Variants in MAPK4 observed in about 807,000 individuals in gnomAD.
MAPK4 encodes the protein mitogen-activated protein kinase 4, also known as Erk3-related.
Under a neutral mutation model 47.7 loss-of-function variants are expected in MAPK4, and 22 were observed. The observed-to-expected ratio is 0.46, with a 90% CI of 0.33 to 0.66. MAPK4 has a LOEUF of 0.66. MAPK4 is among the 30% of genes least tolerant of loss of function. The pLI is 0.02. For synonymous variants in MAPK4, 390 were observed against 365.7 expected, an observed-to-expected ratio of 1.07 and a Z score of -0.76; for missense variants, 736 against 831.7, an observed-to-expected ratio of 0.88 and a Z score of 1.42.
At position 50,712,952 on chromosome 18, in the gene MAPK4, C is replaced by T. The variant is rs536991853; in HGVS notation, c.547-2127C>T. Among the ~76,000 whole-genome samples, 824 of 152,294 alleles carry T rather than the reference C, an allele frequency of 5.4e-3. 7 individuals carry two copies. Among genetic ancestry groups the T allele is most frequent in the South Asian group, 0.017 (84 of 4,816 alleles). On this transcript the variant is annotated intron_variant, in intron 2 of 5. Coordinates refer to ENST00000400384, the MANE Select transcript of MAPK4 (RefSeq NM_002747.4). ...GGCTTGTTCCTGTAACTTTTAGAAT[C>T]GAACTTAAATTCCTAACAGCCTACT...
At chr18:50,682,224 G>A (rs75304473) in intron 2 of MAPK4, among the ~76,000 whole-genome samples, 137 of 152,096 alleles carry the variant, frequency 9.0e-4, no homozygotes, top group East Asian at 4.4e-3. Context: ...ATTTTACGAC[G>A]TGTGAATTAT....
At chr18:50,625,973 G>C (rs1455068903) in intron 1 of MAPK4, among the ~76,000 whole-genome samples, 1 of 151,832 alleles carries the variant, frequency 6.6e-6, no homozygotes, top group Non-Finnish European at 1.5e-5. Flanking sequence ...AGTGATTATG[G>C]AGACTGACAA....
intron 2 of MAPK4, among the ~76,000 whole-genome samples, chr18:50,712,238 G>A (rs965259938): frequency 6.6e-6 from 1 of 152,124 alleles, no homozygotes; most frequent in Non-Finnish European, 1.5e-5. Flanking sequence ...ACTAGCTTGG[G>A]CAACATGACG....
Position 50,720,528 on chromosome 18 carries a change from G to C in MAPK4, c.692-1410G>C, listed in dbSNP as rs911661217. 2.6e-5 allele frequency among the ~76,000 whole-genome samples: 4 copies of C among 152,038 alleles called. No individual in the cohort carries two copies. In the East Asian group the frequency reaches 5.8e-4, roughly 22 times the overall value. On this transcript the variant is annotated intron_variant, in intron 3 of 5. Coordinates refer to ENST00000400384, the MANE Select transcript of MAPK4 (RefSeq NM_002747.4). Reference sequence around the variant, plus strand: ...CCTCCCATATGACACCATTGATCTCGGGCAGGAGCAGACAAGTGAAAGAGG... The same window carrying C: ...CCTCCCATATGACACCATTGATCTCCGGCAGGAGCAGACAAGTGAAAGAGG...
rs576197161 is a variant in MAPK4, at chr18:50,719,517, G to A, written c.692-2421G>A. On this transcript the variant is annotated intron_variant, in intron 3 of 5. Coordinates refer to ENST00000400384, the MANE Select transcript of MAPK4 (RefSeq NM_002747.4). ...CAGGTGGGAGGGAGGTCTCGCCCTGGACTCTGACTCAAAGACTCTTCCCAC... is the reference window on the plus strand; with the variant it reads ...CAGGTGGGAGGGAGGTCTCGCCCTGAACTCTGACTCAAAGACTCTTCCCAC... Among the ~76,000 whole-genome samples the A allele has an allele frequency of 2.0e-5, 3 of 152,278 alleles. No homozygotes were observed. The South Asian group carries it at 6.2e-4, about 32-fold the overall frequency.
chr18:50,659,543 A>G (rs2043146736), intron 1 of MAPK4, among the ~76,000 whole-genome samples: 1 of 152,248 alleles, frequency 6.6e-6, no homozygotes, highest in South Asian at 2.1e-4. Context: ...GGCACACGCC[A>G]TCTCATCTCT....
chr18:50,681,866 A>T (rs894042421), intron 2 of MAPK4, among the ~76,000 whole-genome samples: 1 of 152,168 alleles, frequency 6.6e-6, no homozygotes, highest in African/African-American at 2.4e-5. Flanking sequence ...GTTCCTTTTC[A>T]AGATTGTTTT....
chr18:50,648,930 C>A (rs564948810), intron 1 of MAPK4, among the ~76,000 whole-genome samples: 1 of 152,204 alleles, frequency 6.6e-6, no homozygotes, highest in East Asian at 1.9e-4. Flanking sequence ...GTCCTTGGAG[C>A]CTGGATGAGG....
chr18:50,701,938 A>T (rs1909807894), intron 2 of MAPK4, among the ~76,000 whole-genome samples: 1 of 151,960 alleles, frequency 6.6e-6, no homozygotes, highest in African/African-American at 2.4e-5. Flanking sequence ...GGTGGATCGA[A>T]TCACTTGAGC....
At chr18:50,673,795 G>T (rs573862234) in intron 2 of MAPK4, among the ~76,000 whole-genome samples, 2 of 152,156 alleles carry the variant, frequency 1.3e-5, no homozygotes, top group Non-Finnish European at 2.9e-5. Flanking sequence ...GGCGGAGCTT[G>T]CAGTGAGCCG....
chr18:50,590,446 G>C (rs1169660799), intron 1 of MAPK4, among the ~76,000 whole-genome samples: 2 of 152,148 alleles, frequency 1.3e-5, no homozygotes, highest in African/African-American at 4.8e-5. Context: ...AGTCCAGCAG[G>C]AGCTCAGCTG....
chr18:50,599,939 C>A (rs1287646268), intron 1 of MAPK4, among the ~76,000 whole-genome samples: 1 of 152,126 alleles, frequency 6.6e-6, no homozygotes, highest in Non-Finnish European at 1.5e-5. Flanking sequence ...AATGGAACAT[C>A]TTACTCTAAG....
intron 2 of MAPK4, among the ~76,000 whole-genome samples, chr18:50,702,654 A>C (rs1031451399): frequency 6.6e-6 from 1 of 152,118 alleles, no homozygotes; most frequent in African/African-American, 2.4e-5. Flanking sequence ...TCCCCAAACC[A>C]AGATCCACCC....
At chr18:50,660,720 T>C (rs1252320600) in intron 1 of MAPK4, among the ~76,000 whole-genome samples, 1 of 152,126 alleles carries the variant, frequency 6.6e-6, no homozygotes, top group Non-Finnish European at 1.5e-5. Flanking sequence ...TTCTGAATGA[T>C]AGGATTTCAA....
intron 1 of MAPK4, among the ~76,000 whole-genome samples, chr18:50,570,807 GAGA>G (rs1430452767): frequency 6.6e-6 from 1 of 152,182 alleles, no homozygotes; most frequent in African/African-American, 2.4e-5. Flanking sequence ...CAAGAAGCCA[GAGA>G]AGTTTACAAA....
intron 1 of MAPK4, among the ~76,000 whole-genome samples, chr18:50,618,282 A>G (rs557576582): frequency 6.6e-6 from 1 of 152,262 alleles, no homozygotes; most frequent in African/African-American, 2.4e-5. Context: ...GGTATTGTTG[A>G]AAGCGTGCTT....
intron 2 of MAPK4, among the ~76,000 whole-genome samples, chr18:50,685,023 C>T (rs1292082555): frequency 6.6e-6 from 1 of 152,206 alleles, no homozygotes; most frequent in East Asian, 1.9e-4. Flanking sequence ...CCTCCTAGCT[C>T]ACAGCACTCA....
intron 1 of MAPK4, among the ~76,000 whole-genome samples, chr18:50,625,271 C>A (rs572761306): frequency 6.6e-6 from 1 of 152,298 alleles, no homozygotes; most frequent in East Asian, 1.9e-4. Flanking sequence ...GCCTCCATCA[C>A]CCCAGGAGAC....
chr18:50,718,069 C>G (rs746581360), intron 3 of MAPK4, among the ~76,000 whole-genome samples: 9 of 152,200 alleles, frequency 5.9e-5, no homozygotes, highest in African/African-American at 9.7e-5. Flanking sequence ...GGGCCCAGGA[C>G]AGCCCACCTC....
Sources: gnomAD v4.1 joint callset for allele counts (sites outside exome capture counted in the v4.1 genomes callset) on GRCh38, gnomAD v4.1.1 for gene constraint, MANE v1.5 for transcripts, NCBI Gene and HGNC (gene_info 2026-07-23, HGNC 2026-07-21) for gene names.